Variants in ESRRG observed in about 807,000 individuals in gnomAD.
ESRRG encodes the protein estrogen related receptor gamma.
Under a neutral mutation model 44.0 loss-of-function variants are expected in ESRRG, and 13 were observed. The observed-to-expected ratio is 0.30, with a 90% confidence interval of 0.19 to 0.47. The LOEUF is 0.47. Among genes scored for constraint, ESRRG ranks in the 20% least tolerant of loss-of-function variants. ESRRG has a pLI of 1.00. For synonymous variants in ESRRG, 215 were observed against 214.6 expected (o/e 1.00, Z -0.02); for missense variants, 395 against 580.6 (o/e 0.68, Z 3.29).
At chr1:216,696,814 C>T (rs1438823370) in intron 1 of ESRRG, among the ~76,000 whole-genome samples, 1 of 152,028 alleles carries the variant, frequency 6.6e-6, no homozygotes, top group African/African-American at 2.4e-5. Flanking sequence ...CACTGTGCCT[C>T]AGTCATCTGT....
At chr1:217,119,455 A>G (rs887090482) in intron 1 of ESRRG, among the ~76,000 whole-genome samples, 1 of 152,216 alleles carries the variant, frequency 6.6e-6, no homozygotes, top group African/African-American at 2.4e-5. Context: ...ATCTGCCCTA[A>G]CGACTGAATC....
chr1:216,810,594 TA>T (rs1307673660), intron 2 of ESRRG, among the ~76,000 whole-genome samples: 6 of 147,556 alleles, frequency 4.1e-5, no homozygotes, highest in African/African-American at 1.5e-4. Flanking sequence ...ATTATATATA[TA>T]ATATATATAT....
intron 1 of ESRRG, among the ~76,000 whole-genome samples, chr1:217,071,097 A>C (rs2090498078): frequency 6.6e-6 from 1 of 152,080 alleles, no homozygotes; most frequent in African/African-American, 2.4e-5. Context: ...TCTCCATAAG[A>C]CAGAATTAAA....
chr1:217,114,667 CTTTTTTTTTTTTT>C, intron 1 of ESRRG, among the ~76,000 whole-genome samples: 1 of 107,242 alleles, frequency 9.3e-6, no homozygotes. Context: ...CAAAAGATTT[CTTTTTTTTTTTTT>C]TTTTTTTTGA....
At chr1:216,856,695 C>T (rs527263686) in intron 2 of ESRRG, among the ~76,000 whole-genome samples, 2 of 152,288 alleles carry the variant, frequency 1.3e-5, no homozygotes, top group South Asian at 4.1e-4. Context: ...CTTCAGTTTT[C>T]TCTGATCAGG....
At chr1:216,993,206 A>G (rs1360131505) in intron 1 of ESRRG, among the ~76,000 whole-genome samples, 1 of 152,220 alleles carries the variant, frequency 6.6e-6, no homozygotes, top group Non-Finnish European at 1.5e-5. Context: ...TTTAGCCACA[A>G]GAAATTGAAC....
chr1:216,848,798 G>A (rs2095799243), intron 2 of ESRRG, among the ~76,000 whole-genome samples: 1 of 151,886 alleles, frequency 6.6e-6, no homozygotes, highest in African/African-American at 2.4e-5. Flanking sequence ...TTAAAGAACA[G>A]TACATGCACT....
intron 2 of ESRRG, among the ~76,000 whole-genome samples, chr1:216,930,597 T>C (rs184667192): frequency 6.6e-6 from 1 of 152,334 alleles, no homozygotes; most frequent in East Asian, 1.9e-4. Context: ...TGCAAAGACG[T>C]ATAAGACATA....
intron 2 of ESRRG, among the ~76,000 whole-genome samples, chr1:216,807,039 T>C (rs1304234701): frequency 6.6e-6 from 1 of 152,136 alleles, no homozygotes; most frequent in Admixed American, 6.6e-5. Context: ...AGGAACCAAT[T>C]CTGAATTTCT....
chr1:216,571,443 CA>C (rs1483673611), intron 3 of ESRRG, among the ~76,000 whole-genome samples: 2 of 151,938 alleles, frequency 1.3e-5, no homozygotes, highest in African/African-American at 4.8e-5. Flanking sequence ...AACGCCATCT[CA>C]AAAAACAAAC....
chr1:216,665,491 C>A (rs2151301459), intron 2 of ESRRG, among the ~76,000 whole-genome samples: 1 of 152,184 alleles, frequency 6.6e-6, no homozygotes, highest in Middle Eastern at 3.4e-3. Context: ...TCTAGAGCAG[C>A]CAAACTCATA....
At chr1:216,580,240 G>T (rs982076431) in intron 3 of ESRRG, among the ~76,000 whole-genome samples, 1 of 152,044 alleles carries the variant, frequency 6.6e-6, no homozygotes, top group Non-Finnish European at 1.5e-5. Context: ...TTTTCTTTTG[G>T]TAATTCTAAA....
intron 1 of ESRRG, among the ~76,000 whole-genome samples, chr1:216,698,924 C>A (rs74141636): frequency 0.018 from 2,701 of 152,274 alleles, 74 homozygotes; most frequent in African/African-American, 0.061. Flanking sequence ...CTCCACTCTC[C>A]AAATTTTGGC....
At chr1:216,989,712 A>G (rs1449181098) in intron 1 of ESRRG, among the ~76,000 whole-genome samples, 4 of 152,128 alleles carry the variant, frequency 2.6e-5, no homozygotes, top group Non-Finnish European at 5.9e-5. Context: ...ATATTCAGAG[A>G]AAAAGTGTGT....
In ESRRG at chr1:217,099,235, A is replaced by C. The variant is rs545153284; in HGVS notation, c.-230+38432T>G. Among the ~76,000 whole-genome samples the C allele has an allele frequency of 6.6e-5, 10 of 152,348 alleles. 1 individual carries two copies. The South Asian group carries it at 1.9e-3, about 28-fold the overall frequency. ...CCAAGAAAGAAATGCAAATGAAGGC[A>C]TCTTCTTCACAGTTAGGTGCCCTTT... On this transcript the variant is annotated intron_variant, in intron 1 of 8. Transcript: ENST00000366940.
chr1:217,019,439 A>G (rs1405263272), intron 1 of ESRRG, among the ~76,000 whole-genome samples: 1 of 152,148 alleles, frequency 6.6e-6, no homozygotes, highest in Non-Finnish European at 1.5e-5. Context: ...CAATGTCTGA[A>G]AATCCCTGGC....
At position 216,779,203 on chromosome 1, in the gene ESRRG, AAATATAAATATAT is replaced by A. The variant is rs1183633736; in HGVS notation, c.-13-101725_-13-101713del. On this transcript the variant is annotated intron_variant, in intron 2 of 7. Transcript: ENST00000359162. ...TATATAAATATATATTTATATTTAT[AAATATAAATATAT>A]ATTTATATTTATAAATATAAATATA... Among the ~76,000 whole-genome samples, 3 of 58,140 alleles carry A rather than the reference AAATATAAATATAT, an allele frequency of 5.2e-5. 1 individual carries two copies. Among genetic ancestry groups the A allele is most frequent in the South Asian group, 1.2e-3 (2 of 1,632 alleles). The allele number at this position is 58,140 out of a possible 152,430, so 38.1% of individuals were successfully genotyped here. A position where few individuals can be genotyped will look rare whatever the true frequency, so the allele number is the denominator to read the frequency against.
In ESRRG at chr1:216,874,035, G is replaced by T. The variant is rs376372584; in HGVS notation, c.-14+65547C>A. Among the ~76,000 whole-genome samples the T allele has an allele frequency of 1.6e-3, 229 of 145,470 alleles. 1 individual carries two copies. The highest frequency in any genetic ancestry group is 7.2e-3 in the Middle Eastern group (2 of 278). On this transcript the variant is annotated intron_variant, in intron 2 of 7. Transcript: ENST00000359162. ...GGTTGGGAGGGAGGGAGTGGGGAGG[G>T]AGAGAGGTGGAAGGAAGGAAGGGAG...
intron 2 of ESRRG, among the ~76,000 whole-genome samples, chr1:216,910,132 A>C (rs1280808370): frequency 6.6e-6 from 1 of 152,136 alleles, no homozygotes; most frequent in South Asian, 2.1e-4. Context: ...TAAGAAAAAA[A>C]TTGTCAAGTA....
Sources: allele counts gnomAD v4.1 joint callset (sites outside exome capture counted in the v4.1 genomes callset), GRCh38; gene constraint gnomAD v4.1.1; transcripts MANE v1.5; gene names NCBI Gene and HGNC (gene_info 2026-07-23, HGNC 2026-07-21).